Variants in LMF1 observed in about 807,000 individuals in gnomAD.
The protein encoded by LMF1 is transmembrane protein 112.
LMF1 carries 68 observed loss-of-function variants against 60.6 expected under a neutral mutation model. That is an observed-to-expected ratio of 1.12 (90% CI 0.92 to 1.37). The LOEUF is 1.37. Ranked by LOEUF, LMF1 falls within the 40% of genes most tolerant of loss-of-function variation. LMF1 has a pLI of 0.00. For synonymous variants in LMF1, 418 were observed against 324.7 expected (o/e 1.29, Z -3.09); for missense variants, 948 against 767.2 (o/e 1.24, Z -2.78).
chr16:958,095 A>C (rs2072745478), intron 1 of LMF1, among the ~76,000 whole-genome samples: 1 of 152,232 alleles, frequency 6.6e-6, no homozygotes, highest in East Asian at 1.9e-4. Flanking sequence ...AAAATTAACC[A>C]AAAAGGATCA....
At chr16:938,574 A>G (rs1399130563) in intron 2 of LMF1, among the ~76,000 whole-genome samples, 1 of 152,224 alleles carries the variant, frequency 6.6e-6, no homozygotes, top group Non-Finnish European at 1.5e-5. Flanking sequence ...GGTAATAACA[A>G]GAGGTGTCTT....
chr16:905,857 C>T (rs2070961519), intron 4 of LMF1, among the ~76,000 whole-genome samples: 1 of 152,114 alleles, frequency 6.6e-6, no homozygotes, highest in African/African-American at 2.4e-5. Flanking sequence ...GACGCTCCTG[C>T]CTCAGCCTCC....
At chr16:976,586 G>A (rs914107916) in intron 1 of LMF1, 10 of 454,014 alleles carry the variant, frequency 2.2e-5, no homozygotes, top group African/African-American at 1.8e-4. Flanking sequence ...GCTGCAGAAG[G>A]ACCCTCTGCC....
chr16:875,844 G>C (rs1232589593), intron 6 of LMF1, among the ~76,000 whole-genome samples: 1 of 152,158 alleles, frequency 6.6e-6, no homozygotes, highest in Non-Finnish European at 1.5e-5. Context: ...GAGGTGTGTG[G>C]GGTCGGGGTG....
At chr16:898,064 G>A (rs138765643) in intron 4 of LMF1, among the ~76,000 whole-genome samples, 2 of 152,362 alleles carry the variant, frequency 1.3e-5, no homozygotes, top group Admixed American at 6.5e-5. Flanking sequence ...ACAGTGGGCT[G>A]AGCATCAAAG....
At position 955,457 on chromosome 16, in the gene LMF1, C is replaced by G. The variant is rs61147953; in HGVS notation, c.194-791G>C. 6.9e-4 allele frequency among the ~76,000 whole-genome samples: 37 copies of G among 53,390 alleles called. 2 individuals are homozygous for G. Among genetic ancestry groups the G allele is most frequent in the African/African-American group, 2.0e-3 (11 of 5,504 alleles). 35.0% of individuals were successfully genotyped at this position (53,390 alleles called of 152,430 possible). ...ACATAAAATGCGTGCCTGCAGCAGA[C>G]GCGGTGTGTGCATACACACACACAC... On this transcript the variant is annotated intron_variant, in intron 1 of 10. Transcript: ENST00000262301.
At chr16:968,248 C>T (rs1206718714) in intron 1 of LMF1, 2 of 152,250 alleles carry the variant, frequency 1.3e-5, no homozygotes, top group East Asian at 1.9e-4. Flanking sequence ...CGAAGCTTCC[C>T]CGACAGGGCA....
chr16:981,126 GC>G, intron 1 of LMF1: 1 of 428,576 alleles, frequency 2.3e-6, no homozygotes, highest in Non-Finnish European at 4.7e-6. Flanking sequence ...CCGAGCCGCG[GC>G]CCCTTGAAGC....
chr16:894,265 G>A (rs1262471822), intron 4 of LMF1, among the ~76,000 whole-genome samples: 1 of 98,836 alleles, frequency 1.0e-5, no homozygotes, highest in Non-Finnish European at 2.0e-5. Flanking sequence ...CCGCCCACCT[G>A]TCCCCCTGTC....
chr16:931,741 A>G, intron 3 of LMF1: 1 of 1,287,250 alleles, frequency 7.8e-7, no homozygotes, highest in Non-Finnish European at 1.0e-6. Flanking sequence ...TGCCGAAGCT[A>G]CTACGAGTCT....
intron 2 of LMF1, among the ~76,000 whole-genome samples, chr16:952,010 G>A (rs1318266163): frequency 1.3e-5 from 2 of 152,202 alleles, no homozygotes; most frequent in African/African-American, 4.8e-5. Flanking sequence ...CCTGACCCCA[G>A]CACACCACTT....
intron 3 of LMF1, among the ~76,000 whole-genome samples, chr16:926,605 C>T (rs1251924299): frequency 2.6e-5 from 4 of 152,230 alleles, no homozygotes; most frequent in Non-Finnish European, 5.9e-5. Context: ...AAAAAGACTA[C>T]CCTCAAAACA....
At chr16:857,831 T>TCGGGATGGGTGTGAGTGGTGTCA (rs2069252409) in intron 10 of LMF1, among the ~76,000 whole-genome samples, 1 of 34,130 alleles carries the variant, frequency 2.9e-5, no homozygotes, top group Non-Finnish European at 4.8e-5. Flanking sequence ...GAGTGGTGTC[T>TCGGGATGGGTGTGAGTGGTGTCA]CGGGATGGGT....
chr16:935,412 T>C (rs986140387), intron 2 of LMF1, among the ~76,000 whole-genome samples: 2 of 152,156 alleles, frequency 1.3e-5, no homozygotes, highest in African/African-American at 2.4e-5. Context: ...AACGTGGTGC[T>C]GATGGCTTCA....
rs1370166131 is a variant in LMF1, at chr16:854,194, G to A, written c.*338C>T. 5.6e-6 allele frequency: 3 copies of A among 532,286 alleles called. No individual in the cohort carries two copies. Among genetic ancestry groups the A allele is most frequent in the African/African-American group, 3.8e-5 (2 of 53,070 alleles). The allele number at this position is 532,286 out of a possible 1,614,324, so 33.0% of individuals were successfully genotyped here. A position where few individuals can be genotyped will look rare whatever the true frequency, so the allele number is the denominator to read the frequency against. On this transcript the variant is annotated 3_prime_UTR_variant, in exon 11 of 11. Transcript: ENST00000262301. ...CTGGGTCTATGGTCAGGGCTGTAGT[G>A]GAGGAAGGTGTCAGGATGGCCATTG...
intron 3 of LMF1, among the ~76,000 whole-genome samples, chr16:912,095 G>T (rs1257844376): frequency 6.6e-6 from 1 of 152,174 alleles, no homozygotes; most frequent in East Asian, 1.9e-4. Flanking sequence ...TCCCTCCTGG[G>T]CTCTGAGGAT....
At chr16:959,564 A>G (rs2072779629) in intron 1 of LMF1, among the ~76,000 whole-genome samples, 1 of 152,228 alleles carries the variant, frequency 6.6e-6, no homozygotes, top group African/African-American at 2.4e-5. Context: ...GGGGATGCAG[A>G]TAGAATACAG....
At chr16:859,351 T>A (rs1343936984) in intron 10 of LMF1, among the ~76,000 whole-genome samples, 1 of 2,670 alleles carries the variant, frequency 3.7e-4, no homozygotes, top group Non-Finnish European at 6.4e-4. Flanking sequence ...CAGTGGTGTC[T>A]CGGGACGGGT....
At position 874,518 on chromosome 16, in the gene LMF1, C is replaced by T. The variant is rs967784476; in HGVS notation, c.898-3177G>A. ...CTCCCGTGGGGTGCTGGCTGGGCGGCCGGGCTCTGCGGTCACTGCTCTTGT... is the reference window on the plus strand; with the variant it reads ...CTCCCGTGGGGTGCTGGCTGGGCGGTCGGGCTCTGCGGTCACTGCTCTTGT... On this transcript the variant is annotated intron_variant, in intron 6 of 10. Transcript: ENST00000262301. The surrounding 1 kb of genome is among the most constrained non-coding windows in gnomAD (Gnocchi z 4.1). Among the ~76,000 whole-genome samples the T allele has an allele frequency of 3.9e-5, 6 of 152,306 alleles. No individual in the cohort carries two copies. The highest frequency in any genetic ancestry group is 3.4e-3 in the Middle Eastern group (1 of 294).
Sources: allele counts gnomAD v4.1 joint callset (sites outside exome capture counted in the v4.1 genomes callset), GRCh38; gene constraint gnomAD v4.1.1; non-coding constraint Gnocchi (gnomAD v3.1); transcripts MANE v1.5; gene names NCBI Gene and HGNC (gene_info 2026-07-23, HGNC 2026-07-21).